C3orf20: variants seen among roughly 807,000 people sequenced by gnomAD.
C3orf20 encodes uncharacterized protein C3orf20.
In C3orf20, 76 loss-of-function variants were observed where a neutral mutation model predicts 88.3. That is an observed-to-expected ratio of 0.86 (90% CI 0.72 to 1.04). The LOEUF is 1.04. Among genes scored for constraint, C3orf20 ranks in the 50% least tolerant of loss-of-function variants. The pLI is 0.00. For synonymous variants in C3orf20, 436 were observed against 437.4 expected (o/e 1.00, Z 0.04); for missense variants, 1,056 against 1,123.3 (o/e 0.94, Z 0.86).
chr3:14,758,504 G>A (rs192424874), intron 13 of C3orf20, among the ~76,000 whole-genome samples: 1 of 152,288 alleles, frequency 6.6e-6, no homozygotes, highest in Admixed American at 6.5e-5. Flanking sequence ...TTGAAGGCTG[G>A]CCCCAACCCC....
intron 5 of C3orf20, among the ~76,000 whole-genome samples, chr3:14,692,095 T>C (rs929824422): frequency 6.6e-6 from 1 of 152,246 alleles, no homozygotes; most frequent in African/African-American, 2.4e-5. Flanking sequence ...TATGGCTGAC[T>C]AGTACTCCAT....
chr3:14,728,558 C>T lies in C3orf20; in HGVS notation c.1810C>T (p.Leu604Phe), dbSNP rs747410935. The change falls in exon 12 of 17, where the codon CTT (leucine) becomes TTT (phenylalanine). Residue 604 changes from leucine (L) to phenylalanine (F), a missense_variant. Physicochemically the swap from Leu to Phe is conservative, Grantham distance 22. Transcript: ENST00000253697. Reference sequence around the variant, plus strand: ...GCTAAGTTTATACTCAGGAGAAAGTCTTTTACGATCTCAGTCAGGCCACCT... The same window carrying T: ...GCTAAGTTTATACTCAGGAGAAAGTTTTTTACGATCTCAGTCAGGCCACCT... ...PKLSLYSGESLLRSQSGHLES... is the reference protein window; with the variant it reads ...PKLSLYSGESFLRSQSGHLES... The T allele has an allele frequency of 2.5e-6, 4 of 1,614,232 alleles. No individual in the cohort carries two copies. In the Admixed American group the frequency reaches 6.7e-5, roughly 27 times the overall value.
At chr3:14,766,531 A>C (rs967193566) in intron 15 of C3orf20, among the ~76,000 whole-genome samples, 3 of 152,210 alleles carry the variant, frequency 2.0e-5, no homozygotes, top group Non-Finnish European at 2.9e-5. Flanking sequence ...AGTCACTGCT[A>C]TCCCCCTGCC....
At chr3:14,710,879 A>C (rs889930380) in intron 7 of C3orf20, among the ~76,000 whole-genome samples, 2 of 139,200 alleles carry the variant, frequency 1.4e-5, no homozygotes, top group African/African-American at 5.3e-5. Context: ...CAAGTCCTCT[A>C]TTTCTTTCTT....
intron 7 of C3orf20, among the ~76,000 whole-genome samples, chr3:14,713,571 C>T (rs1216328320): frequency 6.6e-6 from 1 of 152,188 alleles, no homozygotes; most frequent in Non-Finnish European, 1.5e-5. Context: ...TTGCTGGCCT[C>T]AGAGATCAAA....
intron 7 of C3orf20, among the ~76,000 whole-genome samples, chr3:14,709,524 A>G (rs2033655883): frequency 6.6e-6 from 1 of 152,138 alleles, no homozygotes; most frequent in African/African-American, 2.4e-5. Flanking sequence ...GGCTCTTAAT[A>G]TGTTGTGGGA....
At chr3:14,743,972 T>C (rs1167976559) in intron 12 of C3orf20, among the ~76,000 whole-genome samples, 1 of 152,060 alleles carries the variant, frequency 6.6e-6, no homozygotes, top group Non-Finnish European at 1.5e-5. Context: ...TTCTCTGATA[T>C]GGCCTGGAGA....
chr3:14,723,597 G>C (rs187750545), intron 10 of C3orf20, among the ~76,000 whole-genome samples: 1 of 152,276 alleles, frequency 6.6e-6, no homozygotes, highest in African/African-American at 2.4e-5. Context: ...TCTGCTAGGA[G>C]AGGAAGAGAG....
intron 13 of C3orf20, 85 bp from the exon 14 acceptor site, chr3:14,759,806 G>A (rs1180428528): frequency 2.6e-6 from 3 of 1,149,330 alleles, no homozygotes; most frequent in African/African-American, 1.5e-5. Flanking sequence ...GACTCAGGGG[G>A]AACCAGGCCT....
intron 1 of C3orf20, among the ~76,000 whole-genome samples, chr3:14,675,673 G>A (rs2031725643): frequency 7.0e-6 from 1 of 142,122 alleles, no homozygotes; most frequent in Non-Finnish European, 1.5e-5. Flanking sequence ...TTTCTCCACT[G>A]TATTTCTTTT....
chr3:14,710,563 A>G (rs2033696632), intron 7 of C3orf20, among the ~76,000 whole-genome samples: 1 of 151,988 alleles, frequency 6.6e-6, no homozygotes, highest in South Asian at 2.1e-4. Context: ...CATTCATTTC[A>G]AAGTATTTTA....
chr3:14,742,400 G>A (rs911152244), intron 12 of C3orf20, among the ~76,000 whole-genome samples: 3 of 152,230 alleles, frequency 2.0e-5, no homozygotes, highest in Non-Finnish European at 4.4e-5. Context: ...ACATTGGGAT[G>A]TATGTGAGTG....
Position 14,683,249 on chromosome 3 carries a change from G to A in C3orf20, c.484+52G>A, listed in dbSNP as rs572609631. On this transcript the variant is annotated intron_variant, in intron 3 of 16. Transcript: ENST00000253697. ...CCCACCACACCCACTACAGACGGGC[G>A]TCTCAGAGGCACATGCTGGGAACAG... 2.2e-4 allele frequency: 335 copies of A among 1,513,832 alleles called. 3 individuals carry two copies. Among genetic ancestry groups the A allele is most frequent in the South Asian group, 2.0e-3 (152 of 74,792 alleles). The allele number at this position is 1,513,832 out of a possible 1,614,324, so 93.8% of individuals were successfully genotyped here.
rs113599396 is a variant in C3orf20 at position 14,685,984 on chromosome 3, C to T, written c.625+1602C>T. On this transcript the variant is annotated intron_variant, in intron 4 of 16. Coordinates refer to ENST00000253697, the MANE Select transcript of C3orf20 (RefSeq NM_032137.5). ...TCACGCCATTCTCCTGCCTCAGCCT[C>T]CCGAGTAGCTGGGACAACAGGTGTG... Among the ~76,000 whole-genome samples, 1,269 of 152,004 alleles carry T rather than the reference C, an allele frequency of 8.3e-3. 11 individuals carry two copies. The highest frequency in any genetic ancestry group is 0.027 in the Middle Eastern group (8 of 294).
chr3:14,696,352 T>A (rs1336095879), intron 5 of C3orf20, among the ~76,000 whole-genome samples: 1 of 146,308 alleles, frequency 6.8e-6, no homozygotes, highest in Non-Finnish European at 1.5e-5. Context: ...TACGATATCT[T>A]GAAAAGTTGT....
Position 14,702,427 on chromosome 3 carries a change from T to C in C3orf20, c.746-703T>C, listed in dbSNP as rs1370679225. ...CTGCCCCTGGCTCCTCCAAATCTCA[T>C]GTCCTCACATATCTTTTTTTTTTTT... On this transcript the variant is annotated intron_variant, in intron 5 of 16. Transcript: ENST00000253697. 2.7e-5 allele frequency among the ~76,000 whole-genome samples: 4 copies of C among 147,606 alleles called. No individual in the cohort carries two copies. The Admixed American group carries it at 2.8e-4, about 10-fold the overall frequency.
chr3:14,733,961 A>G (rs191491840), intron 12 of C3orf20, among the ~76,000 whole-genome samples: 18 of 152,374 alleles, frequency 1.2e-4, no homozygotes, highest in Admixed American at 9.8e-4. Context: ...TGCTGGGATT[A>G]TAGGCGTGAG....
At chr3:14,675,483 C>G (rs978983006) in intron 1 of C3orf20, among the ~76,000 whole-genome samples, 2 of 144,232 alleles carry the variant, frequency 1.4e-5, no homozygotes, top group African/African-American at 5.2e-5. Context: ...TCCAAATGTT[C>G]AAAGGAAGTA....
At chr3:14,683,971 C>G (rs1432887634) in intron 3 of C3orf20, among the ~76,000 whole-genome samples, 1 of 151,848 alleles carries the variant, frequency 6.6e-6, no homozygotes, top group Admixed American at 6.6e-5. Context: ...AGTGATGGAG[C>G]CTTCTGGATG....
Sources: allele counts gnomAD v4.1 joint callset (sites outside exome capture counted in the v4.1 genomes callset), GRCh38; gene constraint gnomAD v4.1.1; transcripts MANE v1.5; gene names NCBI Gene and HGNC (gene_info 2026-07-23, HGNC 2026-07-21).